The following FHIT variants were observed in gnomAD, a reference collection of about 807,000 sequenced individuals.
The protein encoded by FHIT is bis(5'-adenosyl)-triphosphatase.
FHIT carries 19 observed loss-of-function variants against 17.9 expected under a neutral mutation model. That is an observed-to-expected ratio of 1.06 (90% confidence interval 0.74 to 1.56). FHIT has a LOEUF of 1.56. FHIT is among the 40% of genes most tolerant of loss of function. The pLI is 0.00. For synonymous variants in FHIT, 81 were observed against 69.7 expected (o/e 1.16, Z -0.81); for missense variants, 248 against 189.2 (o/e 1.31, Z -1.82).
chr3:60,540,028 A>C (rs528304696), intron 4 of FHIT, among the ~76,000 whole-genome samples: 94 of 152,102 alleles, frequency 6.2e-4, no homozygotes, highest in African/African-American at 1.9e-3. Flanking sequence ...CAGAACATTC[A>C]GCCCCACTCC....
intron 5 of FHIT, among the ~76,000 whole-genome samples, chr3:60,072,449 A>T (rs944578056): frequency 2.6e-5 from 4 of 152,162 alleles, no homozygotes; most frequent in Non-Finnish European, 5.9e-5. Flanking sequence ...AAACATCGTC[A>T]ACAACAACAA....
intron 8 of FHIT, among the ~76,000 whole-genome samples, chr3:59,852,564 T>C (rs934930227): frequency 6.6e-6 from 1 of 152,190 alleles, no homozygotes; most frequent in Admixed American, 6.5e-5. Context: ...GGATTCAGTC[T>C]TGGTGTTGTA....
chr3:60,579,825 G>A (rs1243476825), intron 4 of FHIT, among the ~76,000 whole-genome samples: 4 of 152,050 alleles, frequency 2.6e-5, no homozygotes, highest in Admixed American at 6.6e-5. Context: ...AATGTCTCGA[G>A]GTTTCTAGCA....
intron 8 of FHIT, among the ~76,000 whole-genome samples, chr3:59,874,553 C>G (rs1445489205): frequency 9.9e-5 from 15 of 152,142 alleles, no homozygotes. Flanking sequence ...ATGCCCGCTG[C>G]TCCCTGCTTA....
intron 2 of FHIT, among the ~76,000 whole-genome samples, chr3:61,145,835 GATTT>G (rs2037211446): frequency 1.3e-5 from 2 of 152,036 alleles, no homozygotes; most frequent in African/African-American, 4.8e-5. Context: ...ATAGAAATAA[GATTT>G]ATTTTTGTAT....
chr3:61,096,194 T>C (rs1392296599), intron 2 of FHIT, among the ~76,000 whole-genome samples: 2 of 152,124 alleles, frequency 1.3e-5, no homozygotes, highest in Non-Finnish European at 2.9e-5. Context: ...TGCAAGGAAG[T>C]TACAGCAGGC....
intron 8 of FHIT, among the ~76,000 whole-genome samples, chr3:59,822,573 TA>T (rs772902319): frequency 1.3e-5 from 2 of 152,360 alleles, no homozygotes; most frequent in East Asian, 3.9e-4. Context: ...TTTTTTCATA[TA>T]TTTTTTGACC....
chr3:60,255,486 C>T (rs913767063), intron 5 of FHIT, among the ~76,000 whole-genome samples: 3 of 151,944 alleles, frequency 2.0e-5, no homozygotes, highest in African/African-American at 7.3e-5. Flanking sequence ...GCCAGCCGGA[C>T]AGAGCAAGCA....
At chr3:61,215,983 C>CTA (rs1560085470) in intron 1 of FHIT, among the ~76,000 whole-genome samples, 1 of 151,520 alleles carries the variant, frequency 6.6e-6, no homozygotes, top group Non-Finnish European at 1.5e-5. Flanking sequence ...ACATCTTATA[C>CTA]AAATTAATTC....
intron 2 of FHIT, among the ~76,000 whole-genome samples, chr3:61,076,851 A>C (rs2034987977): frequency 6.6e-6 from 1 of 152,160 alleles, no homozygotes; most frequent in South Asian, 2.1e-4. Flanking sequence ...ATCAGGCCAA[A>C]TCTCTCTGCA....
intron 5 of FHIT, among the ~76,000 whole-genome samples, chr3:60,472,632 G>T (rs2033146877): frequency 6.6e-6 from 1 of 152,164 alleles, no homozygotes; most frequent in African/African-American, 2.4e-5. Flanking sequence ...GCCTCCCAAA[G>T]GGCTGGGATT....
At chr3:60,218,448 T>G (rs973712676) in intron 5 of FHIT, among the ~76,000 whole-genome samples, 2 of 152,178 alleles carry the variant, frequency 1.3e-5, no homozygotes, top group African/African-American at 4.8e-5. Flanking sequence ...AAAGTTCAAC[T>G]TGCCATGACA....
At chr3:60,046,959 C>G (rs1009956712) in intron 5 of FHIT, among the ~76,000 whole-genome samples, 1 of 152,178 alleles carries the variant, frequency 6.6e-6, no homozygotes, top group African/African-American at 2.4e-5. Flanking sequence ...AGTATATAAA[C>G]AGGGCTATTC....
chr3:60,782,231 G>GTATATATATATATATATATATATA (rs1349004246), intron 4 of FHIT, among the ~76,000 whole-genome samples: 1 of 89,964 alleles, frequency 1.1e-5, no homozygotes, highest in African/African-American at 6.5e-5. Flanking sequence ...GTGTGTGTGT[G>GTATATATATATATATATATATATA]TGTGTGTATA....
chr3:60,249,385 C>T (rs1370416640), intron 5 of FHIT, among the ~76,000 whole-genome samples: 4 of 152,072 alleles, frequency 2.6e-5, no homozygotes, highest in African/African-American at 9.7e-5. Flanking sequence ...CCACAAAACC[C>T]ATGTGCTCTG....
chr3:60,985,683 G>A (rs1412802856), intron 3 of FHIT, among the ~76,000 whole-genome samples: 1 of 152,228 alleles, frequency 6.6e-6, no homozygotes, highest in African/African-American at 2.4e-5. Flanking sequence ...CAGAGTTTCT[G>A]ATTGGATAAA....
intron 5 of FHIT, among the ~76,000 whole-genome samples, chr3:60,532,900 G>C (rs2035839042): frequency 1.3e-5 from 2 of 152,096 alleles, no homozygotes; most frequent in South Asian, 4.1e-4. Context: ...CAAGTTCAAA[G>C]ATGACATTTA....
At chr3:59,981,381 G>C (rs1398206622) in intron 7 of FHIT, among the ~76,000 whole-genome samples, 1 of 152,120 alleles carries the variant, frequency 6.6e-6, no homozygotes, top group East Asian at 1.9e-4. Flanking sequence ...GGTTTCATAA[G>C]GCAAAGGGCC....
At chr3:61,231,371 A>G (rs775271347) in intron 1 of FHIT, among the ~76,000 whole-genome samples, 8 of 151,986 alleles carry the variant, frequency 5.3e-5, no homozygotes, top group Non-Finnish European at 8.8e-5. Flanking sequence ...GTGGGCACCT[A>G]TGGTTCCAGC....
Sources: gnomAD v4.1 joint callset for allele counts (sites outside exome capture counted in the v4.1 genomes callset) on GRCh38, gnomAD v4.1.1 for gene constraint, MANE v1.5 for transcripts, NCBI Gene and HGNC (gene_info 2026-07-23, HGNC 2026-07-21) for gene names.